Variants in PARP8 observed in about 807,000 individuals in gnomAD.
PARP8 encodes the protein protein mono-ADP-ribosyltransferase PARP8.
Under a neutral mutation model 124.1 loss-of-function variants are expected in PARP8, and 51 were observed. The ratio of observed to expected loss-of-function variants is 0.41; its 90% CI spans 0.33 to 0.52. PARP8 has a LOEUF of 0.52. PARP8 is among the 20% of genes least tolerant of loss of function. The pLI is 0.21. For missense variants in PARP8, 860 were observed against 1,018.9 expected (o/e 0.84, Z 2.12); for synonymous variants, 391 against 361.5 (o/e 1.08, Z -0.93).
rs562824492 is a variant in PARP8 at position 50,667,869 on chromosome 5, G to T, written c.92-202G>T. ...TGCCATGGCACCCGGCACTTGTTGC[G>T]GGGGGCGGCCTCCCGCTGCACCCAG... On this transcript the variant is annotated intron_variant, in intron 1 of 25. Transcript: ENST00000281631. 2.2e-5 allele frequency: 32 copies of T among 1,452,000 alleles called. No individual in the cohort carries two copies. The East Asian group carries it at 3.0e-4, about 13-fold the overall frequency. 89.9% of individuals were successfully genotyped at this position (1,452,000 alleles called of 1,614,324 possible). A position where few individuals can be genotyped will look rare whatever the true frequency, so the allele number is the denominator to read the frequency against.
rs568654926 is a variant in PARP8, at chr5:50,795,471, AT to A, written c.1428+64del. ...TAAATGTTAGCTAAGGTGCAGTAGAATTTTTTTTTTCTTATAAGATCTGGTG... is the reference window on the plus strand; with the variant it reads ...TAAATGTTAGCTAAGGTGCAGTAGAATTTTTTTTTCTTATAAGATCTGGTG... On this transcript the variant is annotated intron_variant, in intron 12 of 25. Coordinates refer to ENST00000281631, the MANE Select transcript of PARP8 (RefSeq NM_024615.4). 6.3e-4 allele frequency: 866 copies of A among 1,373,006 alleles called. 2 individuals are homozygous for A. The highest frequency in any genetic ancestry group is 3.2e-3 in the South Asian group (195 of 60,898). The allele number at this position is 1,373,006 out of a possible 1,614,324, so 85.1% of individuals were successfully genotyped here.
chr5:50,696,760 ACTT>A (rs1450183532), intron 2 of PARP8, among the ~76,000 whole-genome samples: 21 of 151,780 alleles, frequency 1.4e-4, no homozygotes, highest in Non-Finnish European at 2.5e-4. Context: ...CTCTATTTGT[ACTT>A]CTTTATCTGC....
intron 14 of PARP8, among the ~76,000 whole-genome samples, chr5:50,805,601 C>A (rs903883574): frequency 6.6e-6 from 1 of 151,958 alleles, no homozygotes; most frequent in Non-Finnish European, 1.5e-5. Flanking sequence ...TTAAAAGAAA[C>A]CTGTCTTGCC....
chr5:50,716,067 T>C lies in PARP8; in HGVS notation c.147-34084T>C, dbSNP rs566895783. Among the ~76,000 whole-genome samples the C allele has an allele frequency of 9.2e-5, 14 of 152,212 alleles. No homozygotes were observed. The East Asian group carries it at 2.7e-3, about 30-fold the overall frequency. On this transcript the variant is annotated intron_variant, in intron 2 of 25. Coordinates refer to ENST00000281631, the MANE Select transcript of PARP8 (RefSeq NM_024615.4). ...TGCTTTATCGAAATGAGTAATTCTT[T>C]CCAAAAACTTGCTGTGATTCAAATG...
In PARP8 at chr5:50,788,505, A is replaced by G. The variant is rs761696970; in HGVS notation, c.671-18A>G. 5 of 1,610,210 alleles carry G rather than the reference A, an allele frequency of 3.1e-6. 1 individual carries two copies. In the South Asian group the frequency reaches 5.5e-5, roughly 18 times the overall value. On this transcript the variant is annotated intron_variant, in intron 9 of 25. Transcript: ENST00000281631. ...AGTTTCAAGTCAATATGTGACTGTG[A>G]TCCTTTTTCCTTTCCAGTGCCCACT... is the stretch of plus-strand genomic sequence containing the variant.
intron 2 of PARP8, among the ~76,000 whole-genome samples, chr5:50,709,797 T>G (rs1204609236): frequency 1.3e-5 from 2 of 149,878 alleles, no homozygotes; most frequent in Non-Finnish European, 3.0e-5. Context: ...AAAAGAGAGA[T>G]AAATAGACAA....
At chr5:50,709,844 A>AGTGTGTGT (rs35238386) in intron 2 of PARP8, among the ~76,000 whole-genome samples, 24 of 127,918 alleles carry the variant, frequency 1.9e-4, no homozygotes, top group African/African-American at 6.0e-4. Flanking sequence ...TTTGTACAAG[A>AGTGTGTGT]GTGTGTGTGT....
At position 50,758,487 on chromosome 5, in the gene PARP8, T is replaced by G. The variant is rs117345294; in HGVS notation, c.185-1156T>G. On this transcript the variant is annotated intron_variant, in intron 3 of 25. Transcript: ENST00000281631. ...CAGATGTTTCTTTGGAAATAATGAC[T>G]TAGAGATGTATTAATTAAAAATTGT... is the stretch of plus-strand genomic sequence containing the variant. Among the ~76,000 whole-genome samples the G allele has an allele frequency of 2.7e-4, 41 of 152,266 alleles. No individual in the cohort carries two copies. The East Asian group carries it at 7.5e-3, about 28-fold the overall frequency.
At chr5:50,680,751 C>T (rs1442376572) in intron 2 of PARP8, among the ~76,000 whole-genome samples, 1 of 152,024 alleles carries the variant, frequency 6.6e-6, no homozygotes, top group Non-Finnish European at 1.5e-5. Flanking sequence ...TGCTGGAAGC[C>T]ATGTGGTAAG....
chr5:50,828,459 G>T, intron 21 of PARP8, 75 bp downstream of exon 21: 3 of 1,328,832 alleles, frequency 2.3e-6, no homozygotes, highest in Middle Eastern at 3.7e-4. Flanking sequence ...CCTGTTGTTA[G>T]GTTTAACTTG....
Position 50,844,471 on chromosome 5 carries a change from T to C in PARP8, c.*2403T>C, listed in dbSNP as rs186496325. 6.6e-6 allele frequency: 1 copy of C among 151,976 alleles called. No individual in the cohort carries two copies. The highest frequency in any genetic ancestry group is 6.6e-5 in the Admixed American group (1 of 15,224). 9.4% of individuals were successfully genotyped at this position (151,976 alleles called of 1,614,324 possible). On this transcript the variant is annotated 3_prime_UTR_variant, in exon 26 of 26. Coordinates refer to ENST00000281631, the MANE Select transcript of PARP8 (RefSeq NM_024615.4). ...TTAACATATAAATGTGCTTCCAAAA[T>C]CCAAGCAGGTCCATACAATTTAGAG... is the stretch of plus-strand genomic sequence containing the variant.
At chr5:50,734,215 T>C (rs1561303635) in intron 2 of PARP8, among the ~76,000 whole-genome samples, 1 of 152,222 alleles carries the variant, frequency 6.6e-6, no homozygotes, top group Non-Finnish European at 1.5e-5. Flanking sequence ...TTGGTATATG[T>C]GAAATCTATA....
chr5:50,770,202 T>A (rs1166467902), intron 7 of PARP8, among the ~76,000 whole-genome samples: 2 of 152,150 alleles, frequency 1.3e-5, no homozygotes, highest in African/African-American at 4.8e-5. Flanking sequence ...CTATATCTAT[T>A]TTCTCAATTT....
intron 2 of PARP8, among the ~76,000 whole-genome samples, chr5:50,694,152 A>G (rs1177773314): frequency 6.6e-6 from 1 of 152,178 alleles, no homozygotes; most frequent in Non-Finnish European, 1.5e-5. Flanking sequence ...TTGTACTTAT[A>G]TATTTTTGCA....
At chr5:50,838,891 G>A (rs1056751676) in intron 25 of PARP8, among the ~76,000 whole-genome samples, 3 of 151,824 alleles carry the variant, frequency 2.0e-5, no homozygotes, top group African/African-American at 7.3e-5. Flanking sequence ...TTCAAACATG[G>A]TCTTTTCCTT....
chr5:50,726,123 T>TA (rs1448576155), intron 2 of PARP8, among the ~76,000 whole-genome samples: 2 of 152,064 alleles, frequency 1.3e-5, no homozygotes, highest in African/African-American at 4.8e-5. Flanking sequence ...ATTTTTTTTT[T>TA]AAATTTTTTA....
At chr5:50,742,079 G>T in intron 2 of PARP8, 3 of 245,402 alleles carry the variant, frequency 1.2e-5, no homozygotes, top group South Asian at 3.9e-5. Context: ...CAAAGTACCG[G>T]GATTACAGGC....
chr5:50,710,950 T>C (rs1754710611), intron 2 of PARP8, among the ~76,000 whole-genome samples: 1 of 152,178 alleles, frequency 6.6e-6, no homozygotes, highest in Non-Finnish European at 1.5e-5. Flanking sequence ...TATGTCTCTA[T>C]CTGTACATAA....
chr5:50,828,767 A>G (rs2149713160), intron 21 of PARP8, among the ~76,000 whole-genome samples: 1 of 151,624 alleles, frequency 6.6e-6, no homozygotes, highest in South Asian at 2.1e-4. Context: ...GCGTGGTAGC[A>G]CATGCCTACA....
Sources: gnomAD v4.1 joint callset for allele counts (sites outside exome capture counted in the v4.1 genomes callset) on GRCh38, gnomAD v4.1.1 for gene constraint, MANE v1.5 for transcripts, NCBI Gene and HGNC (gene_info 2026-07-23, HGNC 2026-07-21) for gene names.